NIPA2: variants seen among roughly 807,000 people sequenced by gnomAD.
The protein encoded by NIPA2 is magnesium transporter NIPA2.
A neutral mutation model predicts 29.7 loss-of-function variants in NIPA2; 11 were observed. The ratio of observed to expected loss-of-function variants is 0.37; its 90% CI spans 0.23 to 0.61. The LOEUF (loss-of-function observed/expected upper bound fraction) is 0.61, where lower values mean the gene tolerates loss of function less well. NIPA2 is among the 20% of genes least tolerant of loss of function. The pLI is 0.66. For synonymous variants in NIPA2, 183 were observed against 161.9 expected (o/e 1.13, Z -0.99); for missense variants, 426 against 437.9 (o/e 0.97, Z 0.24).
At chr15:22,843,650 T>C (rs1317984304) in intron 2 of NIPA2, among the ~76,000 whole-genome samples, 1 of 144,272 alleles carries the variant, frequency 6.9e-6, no homozygotes, top group Non-Finnish European at 1.5e-5. Context: ...ATTTTTTCAA[T>C]TTTTTCCTTT....
At chr15:22,841,504 C>T (rs1161784951) in intron 2 of NIPA2, among the ~76,000 whole-genome samples, 4 of 152,100 alleles carry the variant, frequency 2.6e-5, no homozygotes, top group Non-Finnish European at 4.4e-5. Context: ...CGTGATCTGA[C>T]ACTCACCTTT....
At chr15:22,846,464 G>A (rs1330059899) in intron 3 of NIPA2, among the ~76,000 whole-genome samples, 4 of 152,158 alleles carry the variant, frequency 2.6e-5, no homozygotes, top group Non-Finnish European at 5.9e-5. Context: ...TTAAGTGTTA[G>A]TAAATATTAG....
At chr15:22,844,532 C>G (rs565756441) in intron 2 of NIPA2, among the ~76,000 whole-genome samples, 1 of 149,550 alleles carries the variant, frequency 6.7e-6, no homozygotes, top group Non-Finnish European at 1.5e-5. Context: ...CCAGCCCGGG[C>G]GACAGTGCAA....
chr15:22,846,848 T>TTAC (rs1566826198), intron 3 of NIPA2, among the ~76,000 whole-genome samples: 277 of 146,198 alleles, frequency 1.9e-3, no homozygotes, highest in African/African-American at 6.3e-3. Flanking sequence ...ATAATTATTA[T>TTAC]TATTATTATT....
chr15:22,856,184 G>A (rs2058164490), intron 5 of NIPA2, among the ~76,000 whole-genome samples: 1 of 152,014 alleles, frequency 6.6e-6, no homozygotes, highest in African/African-American at 2.4e-5. Context: ...CACCTGTTGT[G>A]TATTAAAAAA....
At chr15:22,843,642 T>G (rs1897770341) in intron 2 of NIPA2, among the ~76,000 whole-genome samples, 1 of 149,280 alleles carries the variant, frequency 6.7e-6, no homozygotes, top group Non-Finnish European at 1.5e-5. Context: ...TTGGTGTAAT[T>G]TTTTCAATTT....
chr15:22,866,908 A>G lies in NIPA2; in HGVS notation c.*61A>G. 2.1e-6 allele frequency: 3 copies of G among 1,420,656 alleles called. No homozygotes were observed. The highest frequency in any genetic ancestry group is 2.8e-6 in the Non-Finnish European group (3 of 1,055,220). The allele number at this position is 1,420,656 out of a possible 1,614,324, so 88.0% of individuals were successfully genotyped here. A position where few individuals can be genotyped will look rare whatever the true frequency, so the allele number is the denominator to read the frequency against. On this transcript the variant is annotated 3_prime_UTR_variant, in exon 8 of 8. Transcript: ENST00000337451. ...TGAAGTGAATTTGAATATCATCAGAATGTGTCTGAAAAAACATTGTCCTCA... is the reference window on the plus strand; with the variant it reads ...TGAAGTGAATTTGAATATCATCAGAGTGTGTCTGAAAAAACATTGTCCTCA...
At position 22,860,726 on chromosome 15, in the gene NIPA2, C is replaced by A. The variant is rs748381511; in HGVS notation, c.385C>A (p.His129Asn). The A allele has an allele frequency of 6.2e-7, 1 of 1,604,760 alleles. No homozygotes were observed. Among genetic ancestry groups the A allele is most frequent in the Non-Finnish European group, 8.5e-7 (1 of 1,176,494 alleles). The change falls in exon 7 of 8, where the codon CAT becomes AAT. Residue 129 changes from histidine to asparagine, a missense_variant. Physicochemically the swap from His to Asn is moderately conservative, Grantham distance 68. Transcript: ENST00000337451. ...SILGSTVMVIHAPKEEEIETL... is the reference protein window; with the variant it reads ...SILGSTVMVINAPKEEEIETL... The stretch of plus-strand genomic sequence containing the variant: ...TCTAGGATCTACAGTTATGGTCATT[C>A]ATGCTCCAAAGGAAGAGGAGATTGA...
chr15:22,842,412 G>C (rs1897317322), intron 2 of NIPA2, among the ~76,000 whole-genome samples: 1 of 152,154 alleles, frequency 6.6e-6, no homozygotes, highest in South Asian at 2.1e-4. Flanking sequence ...GATCTAGGCT[G>C]GGCGCGGTGG....
intron 7 of NIPA2, among the ~76,000 whole-genome samples, chr15:22,865,549 C>G (rs2058967872): frequency 6.6e-6 from 1 of 151,988 alleles, no homozygotes; most frequent in African/African-American, 2.4e-5. Flanking sequence ...AGAGTAAATT[C>G]ATGTGACTTA....
intron 2 of NIPA2, among the ~76,000 whole-genome samples, chr15:22,844,568 T>C (rs535479074): frequency 2.8e-4 from 40 of 144,534 alleles, no homozygotes; most frequent in Non-Finnish European, 4.3e-4. Context: ...AAAAAAAGAG[T>C]TTGTTAAAAT....
chr15:22,854,215 C>T (rs2058010869), intron 5 of NIPA2, among the ~76,000 whole-genome samples: 2 of 151,926 alleles, frequency 1.3e-5, no homozygotes, highest in Admixed American at 1.3e-4. Flanking sequence ...GCAACCTCTG[C>T]CTCCTGGGTT....
chr15:22,858,254 C>T (rs1490901794), intron 5 of NIPA2, among the ~76,000 whole-genome samples: 1 of 152,046 alleles, frequency 6.6e-6, no homozygotes, highest in Non-Finnish European at 1.5e-5. Context: ...ATTAGCTGGG[C>T]ATAGTGGCGA....
At chr15:22,865,836 TTTG>T (rs994375875) in intron 7 of NIPA2, among the ~76,000 whole-genome samples, 11 of 152,270 alleles carry the variant, frequency 7.2e-5, no homozygotes, top group Non-Finnish European at 1.3e-4. Context: ...TTTTGTGTTT[TTTG>T]TTTTTTTTAG....
chr15:22,838,673 G>C lies in NIPA2; in HGVS notation c.-600G>C, dbSNP rs1282237835. The C allele has an allele frequency of 6.6e-6, 1 of 152,362 alleles. No homozygotes were observed. Among genetic ancestry groups the C allele is most frequent in the Non-Finnish European group, 1.5e-5 (1 of 68,090 alleles). The allele number at this position is 152,362 out of a possible 1,614,324, so 9.4% of individuals were successfully genotyped here. On this transcript the variant is annotated 5_prime_UTR_variant, in exon 1 of 8. Coordinates refer to ENST00000337451, the MANE Select transcript of NIPA2 (RefSeq NM_030922.7). ...AGCCGCGCCTAGGTTTTCCGGCGCC[G>C]GCCCTAGGTCCCGGCAGCGGTGGTG...
intron 2 of NIPA2, among the ~76,000 whole-genome samples, chr15:22,843,561 T>C (rs1897736545): frequency 6.6e-6 from 1 of 151,934 alleles, no homozygotes; most frequent in African/African-American, 2.4e-5. Flanking sequence ...TTACCACATA[T>C]CTTTTTAATT....
At chr15:22,842,690 G>A (rs914124905) in intron 2 of NIPA2, among the ~76,000 whole-genome samples, 1 of 152,198 alleles carries the variant, frequency 6.6e-6, no homozygotes, top group Non-Finnish European at 1.5e-5. Context: ...TTAGCTGGGC[G>A]TGGTTGCAGG....
chr15:22,865,794 C>G (rs11852776), intron 7 of NIPA2, among the ~76,000 whole-genome samples: 32,046 of 151,960 alleles, frequency 0.21, 5,634 homozygotes, highest in African/African-American at 0.47. Flanking sequence ...AAAGTTTCCC[C>G]TTTTAGGGAA....
At chr15:22,854,481 A>G (rs12902467) in intron 5 of NIPA2, among the ~76,000 whole-genome samples, 1 of 149,774 alleles carries the variant, frequency 6.7e-6, no homozygotes, top group Non-Finnish European at 1.5e-5. Flanking sequence ...GCGGTGGCTC[A>G]CACCTGTAAT....
Sources: gnomAD v4.1 joint callset for allele counts (sites outside exome capture counted in the v4.1 genomes callset) on GRCh38, gnomAD v4.1.1 for gene constraint, MANE v1.5 for transcripts, NCBI Gene and HGNC (gene_info 2026-07-23, HGNC 2026-07-21) for gene names.